The following ASAP1 variants were observed in gnomAD, a reference collection of about 807,000 sequenced individuals.
The protein encoded by ASAP1 is arf-GAP with SH3 domain, ANK repeat and PH domain-containing protein 1.
In ASAP1, 43 loss-of-function variants were observed where a neutral mutation model predicts 145.2. The observed-to-expected ratio is 0.30, with a 90% CI of 0.23 to 0.38. The LOEUF (loss-of-function observed/expected upper bound fraction) is 0.38. Among genes scored for constraint, ASAP1 ranks in the 10% least tolerant of loss-of-function variants. ASAP1 has a pLI of 1.00. For synonymous variants in ASAP1, 546 were observed against 515.5 expected (o/e 1.06, Z -0.80); for missense variants, 1,018 against 1,355.3 (o/e 0.75, Z 3.91).
intron 13 of ASAP1, among the ~76,000 whole-genome samples, chr8:130,139,377 A>C (rs990336245): frequency 6.6e-6 from 1 of 152,258 alleles, no homozygotes; most frequent in Non-Finnish European, 1.5e-5. Flanking sequence ...GATTATGCAT[A>C]ATAAGAGGTT....
At chr8:130,355,146 T>C (rs1192440156) in intron 3 of ASAP1, among the ~76,000 whole-genome samples, 1 of 152,206 alleles carries the variant, frequency 6.6e-6, no homozygotes, top group Non-Finnish European at 1.5e-5. Context: ...CCCAAAGTGC[T>C]GGGATTACAG....
intron 1 of ASAP1, among the ~76,000 whole-genome samples, chr8:130,439,191 G>A (rs986319987): frequency 6.6e-6 from 1 of 152,120 alleles, no homozygotes; most frequent in African/African-American, 2.4e-5. Context: ...GTGGAAGAAG[G>A]AAACCACAAG....
At chr8:130,144,655 T>A (rs765409622) in intron 13 of ASAP1, among the ~76,000 whole-genome samples, 1 of 152,168 alleles carries the variant, frequency 6.6e-6, no homozygotes, top group Non-Finnish European at 1.5e-5. Context: ...TCCAAACTTA[T>A]TACTCTGTGG....
chr8:130,167,749 A>G (rs1038955215), intron 10 of ASAP1, 127 bp from the exon 11 acceptor site: 2 of 651,616 alleles, frequency 3.1e-6, no homozygotes, highest in Non-Finnish European at 2.7e-6. Flanking sequence ...AGTCCTTTAT[A>G]CTGTCTCATT....
rs144875964 is a variant in ASAP1 at position 130,431,434 on chromosome 8, T to C, written c.-28+12026A>G. 7.9e-5 allele frequency among the ~76,000 whole-genome samples: 12 copies of C among 152,342 alleles called. No homozygotes were observed. The East Asian group carries it at 1.9e-3, about 24-fold the overall frequency. ...TACCTCAAACGTTAGGTTCCAACCATAACGAACCACTTGTAATTTCCAGCA... is the reference window on the plus strand; with the variant it reads ...TACCTCAAACGTTAGGTTCCAACCACAACGAACCACTTGTAATTTCCAGCA... On this transcript the variant is annotated intron_variant, in intron 1 of 29. Coordinates refer to ENST00000518721, the MANE Select transcript of ASAP1 (RefSeq NM_018482.4).
At chr8:130,143,338 A>T (rs2097617297) in intron 13 of ASAP1, among the ~76,000 whole-genome samples, 1 of 152,212 alleles carries the variant, frequency 6.6e-6, no homozygotes, top group Non-Finnish European at 1.5e-5. Flanking sequence ...TAGTTGTTGG[A>T]ATCTCACTTT....
rs548512902 is a variant in ASAP1 at position 130,276,728 on chromosome 8, A to ACACACTCTCTCTCTCTCTCT, written c.187-39735_187-39734insAGAGAGAGAGAGAGAGTGTG. On this transcript the variant is annotated intron_variant, in intron 3 of 29. Transcript: ENST00000518721. ...CACACACACACACACACACACACAC[A>ACACACTCTCTCTCTCTCTCT]CTCTCTCTCTCTCTCTCTCTCTCTC... is the stretch of plus-strand genomic sequence containing the variant. Among the ~76,000 whole-genome samples the ACACACTCTCTCTCTCTCTCT allele has an allele frequency of 1.4e-3, 120 of 87,280 alleles. 2 individuals are homozygous for ACACACTCTCTCTCTCTCTCT. The highest frequency in any genetic ancestry group is 2.0e-3 in the Non-Finnish European group (93 of 45,396). The allele number at this position is 87,280 out of a possible 152,430, so 57.3% of individuals were successfully genotyped here.
intron 21 of ASAP1, 45 bp from the exon 22 acceptor site, chr8:130,116,790 CCTT>C: frequency 6.3e-7 from 1 of 1,599,086 alleles, no homozygotes; most frequent in Non-Finnish European, 8.6e-7. Flanking sequence ...CTAGGAAACA[CCTT>C]AAGAAGGCAA....
intron 3 of ASAP1, among the ~76,000 whole-genome samples, chr8:130,350,924 C>G (rs1175465979): frequency 6.6e-6 from 1 of 152,212 alleles, no homozygotes; most frequent in Non-Finnish European, 1.5e-5. Flanking sequence ...GTTGGGTCAA[C>G]AGTCCCAGAC....
intron 1 of ASAP1, among the ~76,000 whole-genome samples, chr8:130,435,783 A>G (rs1265985571): frequency 1.3e-5 from 2 of 152,202 alleles, no homozygotes; most frequent in African/African-American, 4.8e-5. Flanking sequence ...ATGGCAAGAA[A>G]GCAGGATCTG....
At chr8:130,121,748 C>A (rs1430761432) in intron 18 of ASAP1, among the ~76,000 whole-genome samples, 1 of 129,196 alleles carries the variant, frequency 7.7e-6, no homozygotes, top group African/African-American at 2.9e-5. Flanking sequence ...CGCATCACTG[C>A]ACTCCAGCCT....
At chr8:130,180,340 T>G (rs1030581908) in intron 8 of ASAP1, among the ~76,000 whole-genome samples, 3 of 152,246 alleles carry the variant, frequency 2.0e-5, no homozygotes, top group South Asian at 2.1e-4. Context: ...GTTGCATTTT[T>G]CGTGAAATCG....
rs543353796 is a variant in ASAP1 at position 130,382,217 on chromosome 8, C to G, written c.59+19668G>C. Reference sequence around the variant, plus strand: ...AGGAGAATGGTGTGAACCCAGGAGGCGGAGCTTGCAGTGAGCCGAGATTGC... The same window carrying G: ...AGGAGAATGGTGTGAACCCAGGAGGGGGAGCTTGCAGTGAGCCGAGATTGC... On this transcript the variant is annotated intron_variant, in intron 2 of 29. Transcript: ENST00000518721. Among the ~76,000 whole-genome samples, 29 of 128,614 alleles carry G rather than the reference C, an allele frequency of 2.3e-4. No homozygotes were observed. In the South Asian group the frequency reaches 7.2e-3, roughly 32 times the overall value. 84.4% of individuals were successfully genotyped at this position (128,614 alleles called of 152,430 possible).
intron 1 of ASAP1, among the ~76,000 whole-genome samples, chr8:130,405,964 C>G (rs1829009556): frequency 6.6e-6 from 1 of 152,172 alleles, no homozygotes; most frequent in Non-Finnish European, 1.5e-5. Context: ...AGAAAGTAAT[C>G]TAGGTTCATC....
chr8:130,358,615 G>A lies in ASAP1; in HGVS notation c.60-472C>T, dbSNP rs1347559203. Among the ~76,000 whole-genome samples, 4 of 147,036 alleles carry A rather than the reference G, an allele frequency of 2.7e-5. No individual in the cohort carries two copies. Among genetic ancestry groups the A allele is most frequent in the Admixed American group, 1.3e-4 (2 of 14,852 alleles). On this transcript the variant is annotated intron_variant, in intron 2 of 29. Coordinates refer to ENST00000518721, the MANE Select transcript of ASAP1 (RefSeq NM_018482.4). The surrounding 1 kb of genome is among the most constrained non-coding windows in gnomAD (Gnocchi z 4.1). ...CTGACTGAGCGCACACTCCCGCGGC[G>A]GGCGGGCGGGCGGGCGGCGCTCGCG...
At chr8:130,074,444 C>CAT in intron 27 of ASAP1, among the ~76,000 whole-genome samples, 1 of 100,946 alleles carries the variant, frequency 9.9e-6, no homozygotes, top group South Asian at 3.5e-4. Flanking sequence ...ATAGTAAACA[C>CAT]ACACACACAC....
chr8:130,331,553 A>G (rs893879902), intron 3 of ASAP1, among the ~76,000 whole-genome samples: 1 of 152,140 alleles, frequency 6.6e-6, no homozygotes, highest in Non-Finnish European at 1.5e-5. Flanking sequence ...TCCTTATTAT[A>G]GTGGAGGAAG....
At chr8:130,428,009 A>T (rs1219406049) in intron 1 of ASAP1, among the ~76,000 whole-genome samples, 1 of 151,444 alleles carries the variant, frequency 6.6e-6, no homozygotes, top group Non-Finnish European at 1.5e-5. Flanking sequence ...TACCACATCA[A>T]CCTCTTCTCC....
chr8:130,225,875 G>T (rs1384531659), intron 4 of ASAP1, among the ~76,000 whole-genome samples: 1 of 152,110 alleles, frequency 6.6e-6, no homozygotes, highest in African/African-American at 2.4e-5. Flanking sequence ...GAGCTAGGTA[G>T]ATTAAGATTT....
Sources: allele counts gnomAD v4.1 joint callset (sites outside exome capture counted in the v4.1 genomes callset), GRCh38; gene constraint gnomAD v4.1.1; non-coding constraint Gnocchi (gnomAD v3.1); transcripts MANE v1.5; gene names NCBI Gene and HGNC (gene_info 2026-07-23, HGNC 2026-07-21).